Variants in NUAK1 observed in about 807,000 individuals in gnomAD.
NUAK1 encodes NUAK family SNF1-like kinase 1.
Under a neutral mutation model 56.9 loss-of-function variants are expected in NUAK1, and 26 were observed. That is an observed-to-expected ratio of 0.46 (90% CI 0.33 to 0.63). The LOEUF is 0.63. Among genes scored for constraint, NUAK1 ranks in the 30% least tolerant of loss-of-function variants. The pLI is 0.02. For missense variants in NUAK1, 727 were observed against 876.1 expected (o/e 0.83, Z 2.15); for synonymous variants, 337 against 336.0 (o/e 1.00, Z -0.03).
chr12:106,114,783 A>T (rs541837627), intron 1 of NUAK1, among the ~76,000 whole-genome samples: 6 of 152,318 alleles, frequency 3.9e-5, no homozygotes, highest in African/African-American at 1.2e-4. Context: ...CCACAAAAAA[A>T]ATTCAACATT....
chr12:106,103,562 T>C (rs1006357317), intron 2 of NUAK1, among the ~76,000 whole-genome samples: 4 of 152,178 alleles, frequency 2.6e-5, no homozygotes, highest in African/African-American at 9.6e-5. Flanking sequence ...AAAAATTCCT[T>C]CAAGACCCAG....
chr12:106,067,585 C>A lies in NUAK1; in HGVS notation c.1203G>T (p.Leu401=), dbSNP rs371639846. The change falls in exon 7 of 7, where the codon CTG becomes CTT. Residue 401 remains leucine (L), a synonymous_variant. Coordinates refer to ENST00000261402, the MANE Select transcript of NUAK1 (RefSeq NM_014840.3). This position sits in a 1 kb window ranked among gnomAD's most constrained non-coding sequence, Gnocchi z 6.0. The stretch of plus-strand genomic sequence containing the variant: ...GATGCTCGCTGTTGCTTCGCTTCTT[C>A]AGGATCCCCTTGGGCCTCTTAGAAC... The part of the protein sequence containing the change: ...KLSSKRPKGI[L]KKRSNSEHRS... The A allele has an allele frequency of 6.1e-5, 98 of 1,614,110 alleles. No individual in the cohort carries two copies. Among genetic ancestry groups the A allele is most frequent in the Non-Finnish European group, 2.5e-5 (30 of 1,180,040 alleles).
In NUAK1 at chr12:106,138,483, C is replaced by A; in HGVS notation, c.171G>T (p.Leu57=). The part of the protein sequence containing the change: ...HKHNLKHRYE[L]QETLGKGTYG... Reference sequence around the variant, plus strand: ...AGGTGCCTTTGCCCAGGGTCTCCTGCAGCTCGTAGCGGTGCTTCAAGTTGT... The same window carrying A: ...AGGTGCCTTTGCCCAGGGTCTCCTGAAGCTCGTAGCGGTGCTTCAAGTTGT... Residue 57 remains leucine (L), a synonymous_variant, in exon 1 of 7, where the codon CTG becomes CTT. Transcript: ENST00000261402. This position sits in a 1 kb window ranked among gnomAD's most constrained non-coding sequence, Gnocchi z 5.0. The A allele has an allele frequency of 6.2e-7, 1 of 1,613,586 alleles. No individual in the cohort carries two copies. Among genetic ancestry groups the A allele is most frequent in the Non-Finnish European group, 8.5e-7 (1 of 1,179,850 alleles).
intron 2 of NUAK1, among the ~76,000 whole-genome samples, chr12:106,088,598 C>T (rs1310946900): frequency 1.3e-5 from 2 of 152,188 alleles, no homozygotes; most frequent in Admixed American, 6.5e-5. Context: ...CTCTCTGGGC[C>T]TCAGTTTAGT....
chr12:106,098,800 A>C (rs1039055795), intron 2 of NUAK1, among the ~76,000 whole-genome samples: 4 of 152,308 alleles, frequency 2.6e-5, no homozygotes, highest in African/African-American at 9.6e-5. Context: ...GGGGTGAGAC[A>C]GTGCGCCTTT....
chr12:106,073,838 A>C (rs2032432940), intron 4 of NUAK1, among the ~76,000 whole-genome samples: 1 of 151,914 alleles, frequency 6.6e-6, no homozygotes, highest in Non-Finnish European at 1.5e-5. Flanking sequence ...ATAAGATGAC[A>C]CCGTGAGTGT....
intron 2 of NUAK1, among the ~76,000 whole-genome samples, chr12:106,094,402 T>G (rs1182730842): frequency 1.3e-5 from 2 of 152,254 alleles, no homozygotes; most frequent in Non-Finnish European, 2.9e-5. Context: ...AAAGACTGTC[T>G]GCAAACCAGT....
rs1414968992 is a variant in NUAK1, at chr12:106,064,407, C to T, written c.*2395G>A. The T allele has an allele frequency of 6.6e-6, 1 of 152,262 alleles. No individual in the cohort carries two copies. Among genetic ancestry groups the T allele is most frequent in the Non-Finnish European group, 1.5e-5 (1 of 68,072 alleles). 9.4% of individuals were successfully genotyped at this position (152,262 alleles called of 1,614,324 possible). On this transcript the variant is annotated 3_prime_UTR_variant, in exon 7 of 7. Transcript: ENST00000261402. ...CAAACAATGCAGATGCCTAAGGCCA[C>T]CTATGACTTAACTCAGTCTCTGCCT...
In NUAK1 at chr12:106,067,016, T is replaced by G; in HGVS notation, c.1772A>C (p.Asn591Thr). The change falls in exon 7 of 7, where the codon AAT becomes ACT. Residue 591 changes from asparagine (N) to threonine (T), a missense_variant. Physicochemically the swap from Asn to Thr is moderately conservative, Grantham distance 65. Coordinates refer to ENST00000261402, the MANE Select transcript of NUAK1 (RefSeq NM_014840.3). This position sits in a 1 kb window ranked among gnomAD's most constrained non-coding sequence, Gnocchi z 6.0. ...DSFDLLDLQE[N>T]RPARQRIRSC... ...GCGGATGCGCTGGCGGGCAGGGCGATTCTCCTGCAAATCCAGCAAGTCAAA... is the reference window on the plus strand; with the variant it reads ...GCGGATGCGCTGGCGGGCAGGGCGAGTCTCCTGCAAATCCAGCAAGTCAAA... 6.2e-7 allele frequency: 1 copy of G among 1,614,198 alleles called. No individual in the cohort carries two copies. Among genetic ancestry groups the G allele is most frequent in the Non-Finnish European group, 8.5e-7 (1 of 1,180,032 alleles).
intron 1 of NUAK1, among the ~76,000 whole-genome samples, chr12:106,126,571 T>C (rs550351175): frequency 1.3e-5 from 2 of 152,172 alleles, no homozygotes; most frequent in Non-Finnish European, 2.9e-5. Context: ...CACAGGCAAA[T>C]TACTCAGCAC....
chr12:106,121,749 CG>C (rs1270390390), intron 1 of NUAK1, among the ~76,000 whole-genome samples: 1 of 149,680 alleles, frequency 6.7e-6, no homozygotes, highest in Non-Finnish European at 1.5e-5. Flanking sequence ...GACCCTGTCT[CG>C]GGAAAAAAAA....
chr12:106,120,885 C>G (rs897342832), intron 1 of NUAK1, among the ~76,000 whole-genome samples: 31 of 152,184 alleles, frequency 2.0e-4, no homozygotes, highest in African/African-American at 6.8e-4. Context: ...ATGGGGCCAC[C>G]TTCAGGAGAG....
chr12:106,128,798 G>A (rs987522683), intron 1 of NUAK1, among the ~76,000 whole-genome samples: 5 of 152,118 alleles, frequency 3.3e-5, no homozygotes, highest in African/African-American at 7.2e-5. Context: ...TCCACTTAGC[G>A]CCTTCCCCCT....
intron 2 of NUAK1, among the ~76,000 whole-genome samples, chr12:106,088,851 C>T (rs576104877): frequency 6.6e-6 from 1 of 152,354 alleles, no homozygotes; most frequent in South Asian, 2.1e-4. Context: ...TCCTCCCATA[C>T]CTTGTTGCTG....
At position 106,067,268 on chromosome 12, in the gene NUAK1, G is replaced by C. The variant is rs750262992; in HGVS notation, c.1520C>G (p.Pro507Arg). ...MGSSIPSPSP[P>R]DPARVTSHSL... The stretch of plus-strand genomic sequence containing the variant: ...GTGGGAGGTTACCCTGGCTGGGTCC[G>C]GGGGGCTGGGGGAGGGGATGCTGCT... Residue 507 changes from proline to arginine, a missense_variant, in exon 7 of 7, where the codon CCG becomes CGG. By Grantham distance (103) the Pro-to-Arg change is moderately radical. Transcript: ENST00000261402. This position sits in a 1 kb window ranked among gnomAD's most constrained non-coding sequence, Gnocchi z 6.0. 2 of 1,613,860 alleles carry C rather than the reference G, an allele frequency of 1.2e-6. No homozygotes were observed. The highest frequency in any genetic ancestry group is 2.7e-5 in the African/African-American group (2 of 74,888).
chr12:106,128,687 A>T (rs1299637359), intron 1 of NUAK1, among the ~76,000 whole-genome samples: 5 of 152,162 alleles, frequency 3.3e-5, no homozygotes, highest in Non-Finnish European at 7.4e-5. Context: ...TACCTTTTTT[A>T]AACAGGGAAA....
chr12:106,117,743 T>G (rs2032932213), intron 1 of NUAK1, among the ~76,000 whole-genome samples: 1 of 152,228 alleles, frequency 6.6e-6, no homozygotes, highest in Non-Finnish European at 1.5e-5. Flanking sequence ...CCAAATAATG[T>G]TCACACCTAC....
chr12:106,124,244 A>G (rs964188955), intron 1 of NUAK1, among the ~76,000 whole-genome samples: 1 of 152,142 alleles, frequency 6.6e-6, no homozygotes, highest in Non-Finnish European at 1.5e-5. Flanking sequence ...AACCATCCCA[A>G]TCTCAACTGT....
chr12:106,124,045 A>G (rs1156304236), intron 1 of NUAK1, among the ~76,000 whole-genome samples: 1 of 152,178 alleles, frequency 6.6e-6, no homozygotes, highest in Non-Finnish European at 1.5e-5. Flanking sequence ...AATATTCGTT[A>G]TAATTTTTTC....
Sources: allele counts gnomAD v4.1 joint callset (sites outside exome capture counted in the v4.1 genomes callset), GRCh38; gene constraint gnomAD v4.1.1; non-coding constraint Gnocchi (gnomAD v3.1); transcripts MANE v1.5; gene names NCBI Gene and HGNC (gene_info 2026-07-23, HGNC 2026-07-21).